Variants in HS2ST1 observed in about 807,000 individuals in gnomAD.
HS2ST1 encodes the protein 2-O-sulfotransferase.
A neutral mutation model predicts 42.9 loss-of-function variants in HS2ST1; 18 were observed. The observed-to-expected ratio is 0.42, with a 90% confidence interval of 0.29 to 0.62. The LOEUF is 0.62. Among genes scored for constraint, HS2ST1 ranks in the 20% least tolerant of loss-of-function variants. The probability of loss-of-function intolerance (pLI) is 0.21; values close to 1 mark genes in which losing one functional copy is unlikely to be tolerated. For missense variants in HS2ST1, 334 were observed against 433.8 expected (o/e 0.77, Z 2.04); for synonymous variants, 146 against 152.9 (o/e 0.95, Z 0.33).
rs1050664741 is a variant in HS2ST1 at position 86,942,851 on chromosome 1, C to T, written c.124+27691C>T. ...CCCCCAAATTAGCTTTGTGTCTGAA[C>T]TCTACTTTAGTCAATGATTCCTTTA... On this transcript the variant is annotated intron_variant, in intron 1 of 6. Coordinates refer to ENST00000370550, the MANE Select transcript of HS2ST1 (RefSeq NM_012262.4). Among the ~76,000 whole-genome samples, 4 of 152,256 alleles carry T rather than the reference C, an allele frequency of 2.6e-5. No individual in the cohort carries two copies. In the East Asian group the frequency reaches 7.7e-4, roughly 29 times the overall value.
intron 1 of HS2ST1, chr1:86,993,142 G>T (rs1196984441): frequency 1.6e-5 from 26 of 1,598,248 alleles, no homozygotes; most frequent in Non-Finnish European, 2.0e-5. Context: ...TGTATTTTGG[G>T]GTAGCATGTC....
chr1:87,077,027 A>T (rs532131983), intron 2 of HS2ST1, among the ~76,000 whole-genome samples: 1 of 152,296 alleles, frequency 6.6e-6, no homozygotes, highest in South Asian at 2.1e-4. Context: ...TGTGTATGCT[A>T]ATCACTGGTT....
chr1:87,001,295 C>T (rs1382095532), intron 1 of HS2ST1, among the ~76,000 whole-genome samples: 1 of 152,094 alleles, frequency 6.6e-6, no homozygotes, highest in East Asian at 1.9e-4. Flanking sequence ...ACCATGTAAT[C>T]TTCGGGTTAA....
Position 86,948,356 on chromosome 1 carries a change from A to G in HS2ST1, c.124+33196A>G, listed in dbSNP as rs1017301324. 4.6e-5 allele frequency among the ~76,000 whole-genome samples: 7 copies of G among 152,174 alleles called. No homozygotes were observed. The East Asian group carries it at 1.3e-3, about 29-fold the overall frequency. On this transcript the variant is annotated intron_variant, in intron 1 of 6. Coordinates refer to ENST00000370550, the MANE Select transcript of HS2ST1 (RefSeq NM_012262.4). ...GCAGTGGCTGTTCATGGGCATAATC[A>G]TAGTGTACAGCAGGCTGGAATTTCT... is the stretch of plus-strand genomic sequence containing the variant.
At chr1:86,972,816 C>T (rs551500971) in intron 1 of HS2ST1, among the ~76,000 whole-genome samples, 1 of 152,288 alleles carries the variant, frequency 6.6e-6, no homozygotes, top group East Asian at 1.9e-4. Context: ...TGTTTTTCTT[C>T]TAATGCCTTT....
chr1:86,964,427 G>A (rs1046563703), intron 1 of HS2ST1, among the ~76,000 whole-genome samples: 1 of 152,252 alleles, frequency 6.6e-6, no homozygotes, highest in Non-Finnish European at 1.5e-5. Flanking sequence ...CTCACGGTTA[G>A]GAGCTGGAGA....
At chr1:87,000,171 A>T (rs907664015) in intron 1 of HS2ST1, among the ~76,000 whole-genome samples, 3 of 152,150 alleles carry the variant, frequency 2.0e-5, no homozygotes, top group African/African-American at 7.2e-5. Flanking sequence ...AATAATGAGT[A>T]GTCTTACCTT....
chr1:87,046,342 T>A (rs1650665196), intron 1 of HS2ST1: 2 of 746,960 alleles, frequency 2.7e-6, no homozygotes, highest in Admixed American at 3.5e-5. Flanking sequence ...ATACATTGCA[T>A]CTTTTGGGCA....
intron 2 of HS2ST1, among the ~76,000 whole-genome samples, chr1:87,083,678 A>G (rs1165073181): frequency 6.6e-6 from 1 of 152,164 alleles, no homozygotes; most frequent in African/African-American, 2.4e-5. Flanking sequence ...CAAGCTTGTG[A>G]TATCTGCTCT....
chr1:87,002,940 A>T (rs1649335024), intron 1 of HS2ST1, among the ~76,000 whole-genome samples: 1 of 152,212 alleles, frequency 6.6e-6, no homozygotes, highest in Non-Finnish European at 1.5e-5. Flanking sequence ...GAAACTTAGG[A>T]TGTATAAATG....
chr1:87,029,492 A>G (rs1650172937), intron 1 of HS2ST1, among the ~76,000 whole-genome samples: 1 of 152,186 alleles, frequency 6.6e-6, no homozygotes, highest in Non-Finnish European at 1.5e-5. Context: ...AAATGTAGTG[A>G]AGAAAACCAA....
chr1:87,033,780 G>A (rs565633009), intron 1 of HS2ST1, among the ~76,000 whole-genome samples: 1 of 152,284 alleles, frequency 6.6e-6, no homozygotes, highest in African/African-American at 2.4e-5. Flanking sequence ...CTGACCTCAG[G>A]TGATCCACCA....
chr1:87,087,443 GA>G (rs147321654), intron 3 of HS2ST1, among the ~76,000 whole-genome samples: 4,096 of 152,124 alleles, frequency 0.027, 191 homozygotes, highest in African/African-American at 0.093. Flanking sequence ...CCCTAGAAAT[GA>G]GAATGAGTTT....
chr1:87,102,705 A>C (rs1348837592), intron 5 of HS2ST1, among the ~76,000 whole-genome samples: 2 of 152,176 alleles, frequency 1.3e-5, no homozygotes, highest in African/African-American at 4.8e-5. Context: ...GATTCACAGA[A>C]CTGGGAGGGT....
At chr1:87,020,173 A>G (rs1649898934) in intron 1 of HS2ST1, among the ~76,000 whole-genome samples, 1 of 152,216 alleles carries the variant, frequency 6.6e-6, no homozygotes, top group Admixed American at 6.5e-5. Context: ...AATAAAAACA[A>G]ACCCCTTTAT....
intron 1 of HS2ST1, among the ~76,000 whole-genome samples, chr1:86,961,059 C>A (rs913155095): frequency 2.6e-5 from 4 of 151,812 alleles, no homozygotes; most frequent in Admixed American, 2.0e-4. Context: ...AACTGTGGTA[C>A]ATCCAGACGA....
At chr1:87,092,693 T>G (rs1314345857) in intron 4 of HS2ST1, 24 bp downstream of exon 4, 1 of 1,471,198 alleles carries the variant, frequency 6.8e-7, no homozygotes, top group Non-Finnish European at 9.1e-7. Flanking sequence ...TTTAAGATTT[T>G]TATAAAGATA....
At chr1:87,081,881 G>A (rs1295405894) in intron 2 of HS2ST1, among the ~76,000 whole-genome samples, 2 of 151,428 alleles carry the variant, frequency 1.3e-5, no homozygotes, top group South Asian at 2.1e-4. Context: ...GGCTGAGGCA[G>A]GAGAATCACT....
Position 86,985,383 on chromosome 1 carries a change from T to TATATATAC in HS2ST1, c.124+70224_124+70225insTATATACA, listed in dbSNP as rs1413099470. On this transcript the variant is annotated intron_variant, in intron 1 of 6. Coordinates refer to ENST00000370550, the MANE Select transcript of HS2ST1 (RefSeq NM_012262.4). The stretch of plus-strand genomic sequence containing the variant: ...AAAAAAAAAAGTATATATATATATA[T>TATATATAC]ACACACACACACACACATATATATA... Among the ~76,000 whole-genome samples, 7 of 44,736 alleles carry TATATATAC rather than the reference T, an allele frequency of 1.6e-4. 1 individual carries two copies. The highest frequency in any genetic ancestry group is 3.9e-4 in the Admixed American group (1 of 2,590). 29.3% of individuals were successfully genotyped at this position (44,736 alleles called of 152,430 possible).
Sources: allele counts gnomAD v4.1 joint callset (sites outside exome capture counted in the v4.1 genomes callset), GRCh38; gene constraint gnomAD v4.1.1; transcripts MANE v1.5; gene names NCBI Gene and HGNC (gene_info 2026-07-23, HGNC 2026-07-21).